The following RC3H2 variants were observed in gnomAD, a reference collection of about 807,000 sequenced individuals.
RC3H2 encodes ring finger and CCCH-type domains 2.
In RC3H2, 31 loss-of-function variants were observed where a neutral mutation model predicts 133.3. The ratio of observed to expected loss-of-function variants is 0.23; its 90% CI spans 0.17 to 0.31. The LOEUF (loss-of-function observed/expected upper bound fraction) is 0.31. RC3H2 is among the 10% of genes least tolerant of loss of function. RC3H2 has a pLI of 1.00. For synonymous variants in RC3H2, 517 were observed against 502.2 expected, an observed-to-expected ratio of 1.03 and a Z score of -0.40; for missense variants, 1,175 against 1,437.2, an observed-to-expected ratio of 0.82 and a Z score of 2.95.
At chr9:122,893,735 A>G (rs1260566307) in intron 2 of RC3H2, among the ~76,000 whole-genome samples, 1 of 152,190 alleles carries the variant, frequency 6.6e-6, no homozygotes, top group African/African-American at 2.4e-5. Flanking sequence ...AGAAAAAAAG[A>G]CACAGTTGTT....
chr9:122,886,013 G>C (rs1037610868), intron 4 of RC3H2, among the ~76,000 whole-genome samples: 1 of 152,092 alleles, frequency 6.6e-6, no homozygotes, highest in Non-Finnish European at 1.5e-5. Flanking sequence ...TCAGCCTCCC[G>C]AATAGCTGGG....
intron 8 of RC3H2, among the ~76,000 whole-genome samples, chr9:122,879,123 C>T (rs769693366): frequency 3.6e-4 from 54 of 150,934 alleles, no homozygotes; most frequent in African/African-American, 1.1e-3. Flanking sequence ...CGGCCAGGCA[C>T]GATGGCTCAC....
chr9:122,901,752 C>T (rs558776093), intron 1 of RC3H2, among the ~76,000 whole-genome samples: 33 of 150,386 alleles, frequency 2.2e-4, no homozygotes, highest in African/African-American at 7.1e-4. Flanking sequence ...CCACCATGCC[C>T]GGTTAATTTT....
chr9:122,896,281 A>G (rs1332320640), intron 2 of RC3H2, among the ~76,000 whole-genome samples: 1 of 152,170 alleles, frequency 6.6e-6, no homozygotes, highest in Non-Finnish European at 1.5e-5. Context: ...TTTTCCATAT[A>G]TACATCCCTA....
chr9:122,851,684 A>G (rs1034670832), intron 18 of RC3H2: 4 of 430,912 alleles, frequency 9.3e-6, no homozygotes, highest in Non-Finnish European at 1.7e-5. Flanking sequence ...TTTTTGGTGG[A>G]GACGGGGTTT....
chr9:122,852,426 T>A (rs1295329705), intron 18 of RC3H2, among the ~76,000 whole-genome samples: 1 of 78,316 alleles, frequency 1.3e-5, no homozygotes, highest in Non-Finnish European at 2.7e-5. Flanking sequence ...GCCCCCCGCC[T>A]GGCCAGCCGC....
intron 10 of RC3H2, among the ~76,000 whole-genome samples, chr9:122,860,901 C>A (rs1231901466): frequency 6.6e-6 from 1 of 152,080 alleles, no homozygotes; most frequent in Admixed American, 6.6e-5. Flanking sequence ...ATATGAACTC[C>A]TTGAGGAAAG....
intron 1 of RC3H2, among the ~76,000 whole-genome samples, chr9:122,901,960 G>A (rs368031137): frequency 1.8e-4 from 23 of 126,790 alleles, no homozygotes; most frequent in African/African-American, 6.3e-4. Flanking sequence ...ACGGAGTTTC[G>A]CTCTTGTTGC....
intron 10 of RC3H2, 95 bp from the exon 11 acceptor site, chr9:122,860,226 AC>A (rs1830404803): frequency 1.1e-6 from 1 of 925,846 alleles, no homozygotes; most frequent in African/African-American, 1.7e-5. Flanking sequence ...TTCTGAAACC[AC>A]TAATAGAAAA....
At chr9:122,858,244 A>G (rs1384888535) in intron 12 of RC3H2, 151 bp from the exon 13 acceptor site, 1 of 691,678 alleles carries the variant, frequency 1.4e-6, no homozygotes, top group Admixed American at 3.1e-5. Context: ...TACACTTAAA[A>G]TAAAAAGGTT....
intron 18 of RC3H2, 190 bp from the exon 19 acceptor site, chr9:122,851,626 G>A: frequency 4.2e-6 from 3 of 721,874 alleles, no homozygotes; most frequent in Non-Finnish European, 6.4e-6. Context: ...CCTGCAGAGT[G>A]CCTGCAATTG....
chr9:122,882,966 T>C (rs191934905), intron 5 of RC3H2, among the ~76,000 whole-genome samples: 1 of 152,348 alleles, frequency 6.6e-6, no homozygotes, highest in African/African-American at 2.4e-5. Flanking sequence ...TACCAAATGA[T>C]TTCCTTATGT....
chr9:122,853,804 C>T (rs980916743), intron 18 of RC3H2, 148 bp downstream of exon 18: 91 of 1,498,700 alleles, frequency 6.1e-5, no homozygotes, highest in Non-Finnish European at 8.1e-5. Flanking sequence ...TCTGGGATTA[C>T]AATTTTATTT....
At chr9:122,881,263 G>T (rs566122866) in intron 5 of RC3H2, among the ~76,000 whole-genome samples, 1 of 152,068 alleles carries the variant, frequency 6.6e-6, no homozygotes, top group African/African-American at 2.4e-5. Flanking sequence ...GAGGTGGGCA[G>T]ATCACTTGAA....
chr9:122,874,696 T>C (rs2131442919), intron 9 of RC3H2: 1 of 153,488 alleles, frequency 6.5e-6, no homozygotes, highest in Admixed American at 6.4e-5. Context: ...TTTGTTTATT[T>C]TTTTGTAGAG....
At chr9:122,856,689 G>T (rs1327413952) in intron 13 of RC3H2, among the ~76,000 whole-genome samples, 2 of 152,232 alleles carry the variant, frequency 1.3e-5, no homozygotes, top group African/African-American at 4.8e-5. Flanking sequence ...ATTTTAAAGG[G>T]ACTGTGAATA....
At chr9:122,870,492 C>CA (rs946554620) in intron 9 of RC3H2, among the ~76,000 whole-genome samples, 3 of 151,812 alleles carry the variant, frequency 2.0e-5, no homozygotes, top group Admixed American at 2.0e-4. Flanking sequence ...ATGAACCTCT[C>CA]AAAAAAGAGT....
chr9:122,882,038 A>G (rs112557614), intron 5 of RC3H2, among the ~76,000 whole-genome samples: 3,399 of 152,230 alleles, frequency 0.022, 53 homozygotes, highest in African/African-American at 0.048. Context: ...GCAGTGAACT[A>G]TGATGGCACC....
Position 122,905,162 on chromosome 9 carries a change from GGC to G in RC3H2, c.-122_-121del. 1.0e-6 allele frequency: 1 copy of G among 985,476 alleles called. No homozygotes were observed. The highest frequency in any genetic ancestry group is 1.2e-6 in the Non-Finnish European group (1 of 829,956). 61.0% of individuals were successfully genotyped at this position (985,476 alleles called of 1,614,324 possible). On this transcript the variant is annotated 5_prime_UTR_variant, in exon 1 of 21. An upstream open reading frame in the 5' UTR loses its in-frame stop. Coordinates refer to ENST00000357244, the MANE Select transcript of RC3H2 (RefSeq NM_001100588.3). ...GGGCCGCTCCCGGGAGCCCCGCGAC[GGC>G]GCGGCTTGGCGACGGAGGCGCCTCG...
Sources: gnomAD v4.1 joint callset for allele counts (sites outside exome capture counted in the v4.1 genomes callset) on GRCh38, gnomAD v4.1.1 for gene constraint, MANE v1.5 for transcripts, NCBI Gene and HGNC (gene_info 2026-07-23, HGNC 2026-07-21) for gene names.